Variants in CADPS2 observed in about 807,000 individuals in gnomAD.
CADPS2 encodes the protein calcium dependent secretion activator 2.
Under a neutral mutation model 172.5 loss-of-function variants are expected in CADPS2, and 93 were observed. The ratio of observed to expected loss-of-function variants is 0.54; its 90% confidence interval spans 0.46 to 0.64. The LOEUF (loss-of-function observed/expected upper bound fraction) is 0.64, where lower values mean the gene tolerates loss of function less well. CADPS2 is among the 30% of genes least tolerant of loss of function. The pLI, the probability that CADPS2 is intolerant of heterozygous loss-of-function variation, is 0.00. For missense variants in CADPS2, 1,420 were observed against 1,565.9 expected (o/e 0.91, Z 1.57); for synonymous variants, 546 against 555.2 (o/e 0.98, Z 0.23).
intron 2 of CADPS2, among the ~76,000 whole-genome samples, chr7:122,693,881 T>G (rs2084729111): frequency 6.6e-6 from 1 of 152,124 alleles, no homozygotes; most frequent in Admixed American, 6.5e-5. Context: ...GGAGAATCAC[T>G]TCAACTTAGA....
chr7:122,633,733 G>A (rs959478128), intron 3 of CADPS2, among the ~76,000 whole-genome samples: 3 of 152,090 alleles, frequency 2.0e-5, no homozygotes, highest in Admixed American at 1.3e-4. Flanking sequence ...GTACTACGTT[G>A]AACAGGAGTG....
chr7:122,376,762 G>A (rs1187581996), intron 25 of CADPS2, among the ~76,000 whole-genome samples: 1 of 152,094 alleles, frequency 6.6e-6, no homozygotes, highest in Non-Finnish European at 1.5e-5. Context: ...TTTGGGAGGT[G>A]ATGGATACGT....
At chr7:122,510,716 C>T (rs1368714375) in intron 9 of CADPS2, among the ~76,000 whole-genome samples, 1 of 152,158 alleles carries the variant, frequency 6.6e-6, no homozygotes, top group African/African-American at 2.4e-5. Context: ...TTCAATAATG[C>T]AGCCTGCAGG....
intron 1 of CADPS2, among the ~76,000 whole-genome samples, chr7:122,869,498 T>C (rs901027389): frequency 2.6e-5 from 4 of 151,712 alleles, no homozygotes; most frequent in Admixed American, 1.3e-4. Context: ...CCTTCAAAAA[T>C]GTAGGGGAGA....
At chr7:122,860,223 T>C (rs1816571782) in intron 1 of CADPS2, among the ~76,000 whole-genome samples, 1 of 152,092 alleles carries the variant, frequency 6.6e-6, no homozygotes, top group Non-Finnish European at 1.5e-5. Context: ...AACCAACAAG[T>C]ACCTGACACA....
intron 6 of CADPS2, among the ~76,000 whole-genome samples, chr7:122,610,066 C>T (rs902866901): frequency 6.6e-6 from 1 of 151,794 alleles, no homozygotes; most frequent in African/African-American, 2.4e-5. Context: ...AAAAAGTTAA[C>T]TCAGTGTTCG....
At position 122,346,025 on chromosome 7, in the gene CADPS2, T is replaced by C. The variant is rs554815067; in HGVS notation, c.3505-344A>G. Among the ~76,000 whole-genome samples, 13 of 151,992 alleles carry C rather than the reference T, an allele frequency of 8.6e-5. No individual in the cohort carries two copies. The East Asian group carries it at 2.5e-3, about 30-fold the overall frequency. On this transcript the variant is annotated intron_variant, in intron 27 of 29. Coordinates refer to ENST00000449022, the MANE Select transcript of CADPS2 (RefSeq NM_017954.11). ...TCCATGTGTAATTATAATTTCCCAG[T>C]TGCAAATACAATTTACTTTGCATCA...
chr7:122,806,216 T>C (rs188476294), intron 1 of CADPS2, among the ~76,000 whole-genome samples: 65 of 152,346 alleles, frequency 4.3e-4, no homozygotes, highest in African/African-American at 1.5e-3. Flanking sequence ...TGTTTCCTTA[T>C]ATCTCTGAGG....
At chr7:122,631,223 A>AG (rs1254092250) in intron 3 of CADPS2, among the ~76,000 whole-genome samples, 1 of 152,206 alleles carries the variant, frequency 6.6e-6, no homozygotes, top group Non-Finnish European at 1.5e-5. Context: ...AGACATAAAA[A>AG]GTTACTTGCA....
At chr7:122,691,677 G>T (rs1459380273) in intron 2 of CADPS2, among the ~76,000 whole-genome samples, 1 of 152,206 alleles carries the variant, frequency 6.6e-6, no homozygotes, top group East Asian at 1.9e-4. Flanking sequence ...CTCCCATGAA[G>T]GCAGACTGTT....
chr7:122,598,045 T>C (rs2072142957), intron 6 of CADPS2, among the ~76,000 whole-genome samples: 1 of 152,142 alleles, frequency 6.6e-6, no homozygotes, highest in Admixed American at 6.6e-5. Flanking sequence ...GTTAGGTATT[T>C]AGTTATTTTA....
chr7:122,688,368 C>T (rs535476772), intron 2 of CADPS2, among the ~76,000 whole-genome samples: 19 of 152,342 alleles, frequency 1.2e-4, no homozygotes, highest in African/African-American at 4.1e-4. Flanking sequence ...CACTTTATCA[C>T]TCCTGGATCA....
intron 1 of CADPS2, among the ~76,000 whole-genome samples, chr7:122,828,363 A>T (rs1805550267): frequency 2.0e-5 from 3 of 149,014 alleles, no homozygotes; most frequent in Admixed American, 6.7e-5. Flanking sequence ...TTTTTTATCC[A>T]CTCTATCTCT....
At chr7:122,428,587 C>T (rs1228612322) in intron 17 of CADPS2, among the ~76,000 whole-genome samples, 1 of 151,716 alleles carries the variant, frequency 6.6e-6, no homozygotes, top group African/African-American at 2.4e-5. Flanking sequence ...CCTGCTTCAG[C>T]CTCCCGAGTA....
At chr7:122,378,378 T>C (rs375851709) in intron 25 of CADPS2, among the ~76,000 whole-genome samples, 107 of 152,312 alleles carry the variant, frequency 7.0e-4, no homozygotes, top group African/African-American at 2.5e-3. Context: ...AAGGTGAGTG[T>C]CTTGCCTCAC....
intron 3 of CADPS2, among the ~76,000 whole-genome samples, chr7:122,652,986 T>C (rs2079336700): frequency 6.6e-6 from 1 of 152,198 alleles, no homozygotes; most frequent in African/African-American, 2.4e-5. Flanking sequence ...AATAGCCTTT[T>C]TCAGAAGAGA....
chr7:122,388,379 G>C (rs1450670078), intron 23 of CADPS2, among the ~76,000 whole-genome samples: 2 of 151,974 alleles, frequency 1.3e-5, no homozygotes, highest in Non-Finnish European at 1.5e-5. Flanking sequence ...CAATAGTTGG[G>C]AGACCTGAAA....
At chr7:122,687,223 T>C (rs1003003894) in intron 2 of CADPS2, among the ~76,000 whole-genome samples, 3 of 152,156 alleles carry the variant, frequency 2.0e-5, no homozygotes, top group East Asian at 3.9e-4. Context: ...ACCCTGGCCA[T>C]ATCTTCACCC....
At chr7:122,609,857 G>A (rs2074071682) in intron 6 of CADPS2, among the ~76,000 whole-genome samples, 1 of 152,134 alleles carries the variant, frequency 6.6e-6, no homozygotes, top group Admixed American at 6.6e-5. Flanking sequence ...TTAAAATTTG[G>A]AAAACGTGTC....
Sources: allele counts gnomAD v4.1 joint callset (sites outside exome capture counted in the v4.1 genomes callset), GRCh38; gene constraint gnomAD v4.1.1; transcripts MANE v1.5; gene names NCBI Gene and HGNC (gene_info 2026-07-23, HGNC 2026-07-21).